The following SP140 variants were observed in gnomAD, a reference collection of about 807,000 sequenced individuals.
SP140 encodes the protein nuclear body protein SP140.
A neutral mutation model predicts 125.0 loss-of-function variants in SP140; 81 were observed. The observed-to-expected ratio is 0.65, with a 90% CI of 0.54 to 0.78. The LOEUF (loss-of-function observed/expected upper bound fraction) is 0.78. SP140 is among the 30% of genes least tolerant of loss of function. The pLI is 0.00. For missense variants in SP140, 858 were observed against 1,037.0 expected, an observed-to-expected ratio of 0.83 and a Z score of 2.37; for synonymous variants, 312 against 354.0, an observed-to-expected ratio of 0.88 and a Z score of 1.33.
At chr2:230,208,189 G>T in intron 1 of SP140, 1 of 640,118 alleles carries the variant, frequency 1.6e-6, no homozygotes, top group Admixed American at 2.7e-5. Context: ...CTTAGGTGAT[G>T]GTACTTCAGG....
intron 12 of SP140, among the ~76,000 whole-genome samples, chr2:230,261,712 A>G (rs1268203342): frequency 1.3e-5 from 2 of 152,270 alleles, no homozygotes; most frequent in African/African-American, 4.8e-5. Flanking sequence ...TGAAATGATC[A>G]TGTGATTTTT....
At chr2:230,265,015 A>C (rs1582832) in intron 12 of SP140, among the ~76,000 whole-genome samples, 1 of 151,864 alleles carries the variant, frequency 6.6e-6, no homozygotes, top group African/African-American at 2.4e-5. Context: ...GTGATGGGCC[A>C]GCCCTAGAAT....
intron 22 of SP140, among the ~76,000 whole-genome samples, chr2:230,307,978 TATATATATATATACAC>T (rs1205995111): frequency 4.2e-5 from 4 of 94,534 alleles, no homozygotes; most frequent in South Asian, 4.1e-4. Context: ...TATATATATA[TATATATATATATACAC>T]ACACACACAC....
intron 22 of SP140, among the ~76,000 whole-genome samples, chr2:230,307,969 A>ATATATATATATATAT (rs1398276792): frequency 7.3e-5 from 6 of 82,638 alleles, no homozygotes; most frequent in Non-Finnish European, 5.4e-5. Context: ...ATATATATAT[A>ATATATATATATATAT]TATATATATA....
At chr2:230,190,095 T>C in the SP140 span, among the ~76,000 whole-genome samples, 1 of 152,310 alleles carries the variant, frequency 6.6e-6, no homozygotes, top group East Asian at 1.9e-4. Flanking sequence ...TGTCAAATGG[T>C]ATTTCTGGTT....
At chr2:230,299,195 G>T (rs2058051882) in intron 22 of SP140, among the ~76,000 whole-genome samples, 1 of 152,178 alleles carries the variant, frequency 6.6e-6, no homozygotes, top group East Asian at 1.9e-4. Context: ...ACTGAAGGAA[G>T]TCACACACCC....
chr2:230,222,634 G>A (rs1284147518), upstream of SP140, among the ~76,000 whole-genome samples: 2 of 151,440 alleles, frequency 1.3e-5, no homozygotes, highest in Non-Finnish European at 2.9e-5. Flanking sequence ...AGAAGTGGGA[G>A]AATTGCTTGA....
intron 18 of SP140, among the ~76,000 whole-genome samples, chr2:230,289,118 C>T (rs1483374926): frequency 6.6e-6 from 1 of 152,232 alleles, no homozygotes; most frequent in Non-Finnish European, 1.5e-5. Flanking sequence ...TCCACATCCT[C>T]TTCAGCATCT....
chr2:230,194,449 A>C, the SP140 span, among the ~76,000 whole-genome samples: 1 of 149,572 alleles, frequency 6.7e-6, no homozygotes, highest in Non-Finnish European at 1.5e-5. Flanking sequence ...AAAATTTACA[A>C]AATAAATTAA....
intron 3 of SP140, among the ~76,000 whole-genome samples, chr2:230,220,269 C>G (rs913723146): frequency 5.3e-5 from 8 of 152,170 alleles, no homozygotes; most frequent in Non-Finnish European, 1.0e-4. Flanking sequence ...GCTTCCCTAA[C>G]CACATCTATT....
intron 15 of SP140, among the ~76,000 whole-genome samples, chr2:230,279,677 G>A (rs908906343): frequency 1.2e-4 from 19 of 152,126 alleles, no homozygotes; most frequent in African/African-American, 4.6e-4. Flanking sequence ...ACAAATGTGT[G>A]CAGTTATATA....
intron 15 of SP140, among the ~76,000 whole-genome samples, 165 bp from the exon 16 acceptor site, chr2:230,284,181 T>G (rs571674052): frequency 6.6e-6 from 1 of 152,324 alleles, no homozygotes; most frequent in South Asian, 2.1e-4. Flanking sequence ...AGGTAAAATA[T>G]AACTCTGTAC....
chr2:230,222,658 A>G (rs1207187142), upstream of SP140, among the ~76,000 whole-genome samples: 20 of 151,802 alleles, frequency 1.3e-4, no homozygotes, highest in Admixed American at 3.3e-4. Context: ...CAGGAGGTCC[A>G]GTCTCTGGTG....
At chr2:230,308,381 A>G (rs1476378538) in intron 22 of SP140, among the ~76,000 whole-genome samples, 1 of 151,978 alleles carries the variant, frequency 6.6e-6, no homozygotes, top group Admixed American at 6.5e-5. Flanking sequence ...CCCCAAAACT[A>G]TTGAAATAAT....
chr2:230,222,997 G>A (rs2045946631), upstream of SP140, among the ~76,000 whole-genome samples: 1 of 150,948 alleles, frequency 6.6e-6, no homozygotes, highest in Non-Finnish European at 1.5e-5. Flanking sequence ...CCAAGATCCT[G>A]CTCATCCTGT....
chr2:230,232,867 G>A (rs1195506623), intron 1 of SP140, among the ~76,000 whole-genome samples: 2 of 152,058 alleles, frequency 1.3e-5, no homozygotes, highest in Non-Finnish European at 2.9e-5. Flanking sequence ...TTCCCCATTA[G>A]TAATCTTTAA....
At chr2:230,297,614 A>G in intron 22 of SP140, 152 bp downstream of exon 22, 2 of 846,578 alleles carry the variant, frequency 2.4e-6, no homozygotes, top group Non-Finnish European at 3.8e-6. Flanking sequence ...CAAGCCAGGT[A>G]GATGTGCCTG....
intron 1 of SP140, among the ~76,000 whole-genome samples, chr2:230,204,020 T>TA (rs1330204885): frequency 1.3e-5 from 2 of 152,066 alleles, no homozygotes; most frequent in Non-Finnish European, 2.9e-5. Flanking sequence ...TTTACCCAGG[T>TA]AAAAAATTGG....
chr2:230,225,781 C>A lies in SP140; in HGVS notation c.-64C>A. On this transcript the variant is annotated 5_prime_UTR_variant, in exon 1 of 27. Coordinates refer to ENST00000392045, the MANE Select transcript of SP140 (RefSeq NM_007237.5). Reference sequence around the variant, plus strand: ...ACCGAGGGGCAGTTGGCAGCTTCACCTCAGAGCTGCAGGAAGGAACGGGGC... The same window carrying A: ...ACCGAGGGGCAGTTGGCAGCTTCACATCAGAGCTGCAGGAAGGAACGGGGC... The A allele has an allele frequency of 7.1e-7, 1 of 1,406,930 alleles. No homozygotes were observed. Among genetic ancestry groups the A allele is most frequent in the Non-Finnish European group, 1.0e-6 (1 of 991,022 alleles). 87.2% of individuals were successfully genotyped at this position (1,406,930 alleles called of 1,614,324 possible).
Sources: allele counts gnomAD v4.1 joint callset (sites outside exome capture counted in the v4.1 genomes callset), GRCh38; gene constraint gnomAD v4.1.1; transcripts MANE v1.5; gene names NCBI Gene and HGNC (gene_info 2026-07-23, HGNC 2026-07-21).